Variants in TRIM45 observed in about 807,000 individuals in gnomAD.
The protein encoded by TRIM45 is tripartite motif containing 45.
In TRIM45, 45 loss-of-function variants were observed where a neutral mutation model predicts 46.7. The ratio of observed to expected loss-of-function variants is 0.96; its 90% confidence interval spans 0.76 to 1.24. The LOEUF is 1.24. Ranked by LOEUF, TRIM45 falls within the 50% of genes most tolerant of loss-of-function variation. The pLI is 0.00. For missense variants in TRIM45, 680 were observed against 728.4 expected (o/e 0.93, Z 0.77); for synonymous variants, 259 against 285.8 (o/e 0.91, Z 0.94).
intron 1 of TRIM45, 137 bp downstream of exon 1, chr1:117,120,577 T>C: frequency 8.0e-7 from 1 of 1,249,846 alleles, no homozygotes. Flanking sequence ...TATTTGCTAT[T>C]GCATTGTTAT....
chr1:117,119,903 CTT>C (rs1410138490), intron 1 of TRIM45, among the ~76,000 whole-genome samples: 2 of 152,222 alleles, frequency 1.3e-5, no homozygotes, highest in Admixed American at 1.3e-4. Flanking sequence ...AGTCTACAAA[CTT>C]GTTCTGTTAG....
chr1:117,119,856 G>A (rs1018020365), intron 1 of TRIM45, among the ~76,000 whole-genome samples: 2 of 152,176 alleles, frequency 1.3e-5, no homozygotes, highest in African/African-American at 4.8e-5. Flanking sequence ...GACAGTCGCA[G>A]GGACTATCAC....
Position 117,113,416 on chromosome 1 carries a change from A to C in TRIM45, c.1537T>G (p.Phe513Val). 6.2e-7 allele frequency: 1 copy of C among 1,612,510 alleles called. No homozygotes were observed. The highest frequency in any genetic ancestry group is 1.3e-5 in the African/African-American group (1 of 75,008). ...PHSGVFHCCT[F>V]CSSGGQKTAR... ...GTTTTCTGGCCCCCGCTGGAGCAGAAGGTGCAGCAGTGAAACACGCCTGAG... is the reference window on the plus strand; with the variant it reads ...GTTTTCTGGCCCCCGCTGGAGCAGACGGTGCAGCAGTGAAACACGCCTGAG... Residue 513 changes from phenylalanine to valine, a missense_variant, in exon 5 of 6, where the codon TTC (phenylalanine) becomes GTC (valine). This residue lies in a region of TRIM45 where 322 missense variants were observed against 359.3 expected (regional missense o/e 0.90). Coordinates refer to ENST00000256649, the MANE Select transcript of TRIM45 (RefSeq NM_025188.4). The surrounding 1 kb of genome is among the most constrained non-coding windows in gnomAD (Gnocchi z 4.0).
In TRIM45 at chr1:117,116,400, A is replaced by AT. The variant is rs961074241; in HGVS notation, c.1352+215dup. On this transcript the variant is annotated intron_variant, in intron 3 of 5. Coordinates refer to ENST00000256649, the MANE Select transcript of TRIM45 (RefSeq NM_025188.4). This position sits in a 1 kb window ranked among gnomAD's most constrained non-coding sequence, Gnocchi z 4.6. The stretch of plus-strand genomic sequence containing the variant: ...AGGCATATGCCTCCACTCCCGGCTA[A>AT]TTTTTTTTTTTTTAATTTTGTAGAG... 2.8e-4 allele frequency among the ~76,000 whole-genome samples: 41 copies of AT among 145,744 alleles called. No homozygotes were observed. The highest frequency in any genetic ancestry group is 4.4e-4 in the Non-Finnish European group (29 of 65,792).
At chr1:117,123,057 AC>A (rs567713773), upstream of TRIM45, among the ~76,000 whole-genome samples, 7 of 141,282 alleles carry the variant, frequency 5.0e-5, no homozygotes, top group South Asian at 2.3e-4. Flanking sequence ...AAAAAAAAAA[AC>A]CATTATAAAA....
rs1225920246 is a variant in TRIM45 at position 117,112,159 on chromosome 1, C to A, written c.*146G>T. 11 of 392,562 alleles carry A rather than the reference C, an allele frequency of 2.8e-5. No homozygotes were observed. The highest frequency in any genetic ancestry group is 4.3e-5 in the Non-Finnish European group (11 of 258,450). The allele number at this position is 392,562 out of a possible 1,614,324, so 24.3% of individuals were successfully genotyped here. A position where few individuals can be genotyped will look rare whatever the true frequency, so the allele number is the denominator to read the frequency against. ...ATCCACAAGTACAATCAGTGAATAA[C>A]TAACAAAAGAGCACTTGAACTCCAG... On this transcript the variant is annotated 3_prime_UTR_variant, in exon 6 of 6. Coordinates refer to ENST00000256649, the MANE Select transcript of TRIM45 (RefSeq NM_025188.4).
rs187735120 is a variant in TRIM45 at position 117,116,597 on chromosome 1, C to A, written c.1352+19G>T. ...TCTCACTGCCTGTTATCCATGACACCTAATTGTGTCATACAAACCTGTCTT... is the reference window on the plus strand; with the variant it reads ...TCTCACTGCCTGTTATCCATGACACATAATTGTGTCATACAAACCTGTCTT... On this transcript the variant is annotated intron_variant, in intron 3 of 5. Coordinates refer to ENST00000256649, the MANE Select transcript of TRIM45 (RefSeq NM_025188.4). The surrounding 1 kb of genome is among the most constrained non-coding windows in gnomAD (Gnocchi z 4.6). 6.2e-7 allele frequency: 1 copy of A among 1,612,328 alleles called. No individual in the cohort carries two copies.
chr1:117,116,497 C>G lies in TRIM45; in HGVS notation c.1352+119G>C. On this transcript the variant is annotated intron_variant, in intron 3 of 5. Coordinates refer to ENST00000256649, the MANE Select transcript of TRIM45 (RefSeq NM_025188.4). The surrounding 1 kb of genome is among the most constrained non-coding windows in gnomAD (Gnocchi z 4.6). ...TAAGCGATCCTCCTGCCTCCACTTC[C>G]CAAAGTGCTGGGATTACAGGCATGA... 7.1e-7 allele frequency: 1 copy of G among 1,400,824 alleles called. No individual in the cohort carries two copies. Among genetic ancestry groups the G allele is most frequent in the Non-Finnish European group, 9.7e-7 (1 of 1,033,438 alleles). The allele number at this position is 1,400,824 out of a possible 1,614,324, so 86.8% of individuals were successfully genotyped here.
Position 117,121,031 on chromosome 1 carries a change from C to A in TRIM45, c.171G>T (p.Glu57Asp), listed in dbSNP as rs1650602672. ...CTCGGATGTCCACTACTGAGAAGGG[C>A]TCCAGCTGCTCCAGACACGTGGTGC... ...TVCTTCLEQLEPFSVVDIRGG... is the reference protein window; with the variant it reads ...TVCTTCLEQLDPFSVVDIRGG... Residue 57 changes from glutamate (E) to aspartate (D), a missense_variant, in exon 1 of 6, where the codon GAG (glutamate) becomes GAT (aspartate). Coordinates refer to ENST00000256649, the MANE Select transcript of TRIM45 (RefSeq NM_025188.4). The surrounding 1 kb of genome is among the most constrained non-coding windows in gnomAD (Gnocchi z 4.2). 1.9e-6 allele frequency: 3 copies of A among 1,614,054 alleles called. No homozygotes were observed. Among genetic ancestry groups the A allele is most frequent in the Non-Finnish European group, 2.5e-6 (3 of 1,180,042 alleles).
Position 117,118,063 on chromosome 1 carries a change from T to C in TRIM45, c.1193A>G (p.Asp398Gly). ...IYGTINTKEV[D>G]PAKCVLQGED... ...TCCTTGTAGGACACATTTGGCTGGA[T>C]CAACCTCTTTGGTATTAATCGTACC... Residue 398 changes from aspartate (D) to glycine (G), a missense_variant, in exon 2 of 6, where the codon GAT (aspartate) becomes GGT (glycine). This residue lies in a region of TRIM45 where 322 missense variants were observed against 359.3 expected (regional missense o/e 0.90). Transcript: ENST00000256649. The surrounding 1 kb of genome is among the most constrained non-coding windows in gnomAD (Gnocchi z 5.7). The C allele has an allele frequency of 1.9e-6, 3 of 1,614,080 alleles. No individual in the cohort carries two copies. Among genetic ancestry groups the C allele is most frequent in the Non-Finnish European group, 2.5e-6 (3 of 1,179,980 alleles).
At chr1:117,119,226 A>AT (rs1166454504) in intron 1 of TRIM45, among the ~76,000 whole-genome samples, 1 of 152,238 alleles carries the variant, frequency 6.6e-6, no homozygotes, top group Non-Finnish European at 1.5e-5. Context: ...TGCATCTAAG[A>AT]TTTTGGTGAA....
Position 117,121,621 on chromosome 1 carries a change from T to G in TRIM45, c.-420A>C. The G allele has an allele frequency of 7.3e-6, 3 of 412,160 alleles. No individual in the cohort carries two copies. Among genetic ancestry groups the G allele is most frequent in the South Asian group, 2.4e-5 (1 of 41,220 alleles). The allele number at this position is 412,160 out of a possible 1,614,324, so 25.5% of individuals were successfully genotyped here. Reference sequence around the variant, plus strand: ...CCGACCCCACCCGCGCACGATGAGGTAGGGGCCCTCTTGCTCCTTCCCTCT... The same window carrying G: ...CCGACCCCACCCGCGCACGATGAGGGAGGGGCCCTCTTGCTCCTTCCCTCT... On this transcript the variant is annotated 5_prime_UTR_variant, in exon 1 of 6. Transcript: ENST00000256649. This position sits in a 1 kb window ranked among gnomAD's most constrained non-coding sequence, Gnocchi z 4.2.
In TRIM45 at chr1:117,113,800, A is replaced by G. The variant is rs1650306949; in HGVS notation, c.1468-315T>C. 6.6e-6 allele frequency among the ~76,000 whole-genome samples: 1 copy of G among 152,238 alleles called. No individual in the cohort carries two copies. Among genetic ancestry groups the G allele is most frequent in the Non-Finnish European group, 1.5e-5 (1 of 68,036 alleles). On this transcript the variant is annotated intron_variant, in intron 4 of 5. Coordinates refer to ENST00000256649, the MANE Select transcript of TRIM45 (RefSeq NM_025188.4). The surrounding 1 kb of genome is among the most constrained non-coding windows in gnomAD (Gnocchi z 4.0). ...GGACACTGAAAGGAGTCACACAGTC[A>G]GCTCCATTTTCAGTGACATCTGTAT... is the stretch of plus-strand genomic sequence containing the variant.
Position 117,121,571 on chromosome 1 carries a change from C to T in TRIM45, c.-370G>A. On this transcript the variant is annotated 5_prime_UTR_variant, in exon 1 of 6. Transcript: ENST00000256649. The surrounding 1 kb of genome is among the most constrained non-coding windows in gnomAD (Gnocchi z 4.2). ...GCCACCCCCCTCCCGCCGCCCGCCC[C>T]ACTGCGCGCCACACGCGACAAGCGC... 2.0e-6 allele frequency: 1 copy of T among 501,920 alleles called. No individual in the cohort carries two copies. Among genetic ancestry groups the T allele is most frequent in the Non-Finnish European group, 3.5e-6 (1 of 285,380 alleles). 31.1% of individuals were successfully genotyped at this position (501,920 alleles called of 1,614,324 possible).
upstream of TRIM45, chr1:117,122,725 A>G (rs1287611063): frequency 6.6e-6 from 1 of 152,222 alleles, no homozygotes; most frequent in Non-Finnish European, 1.5e-5. Context: ...GGGAAGATGA[A>G]CACGTCCGAC....
In TRIM45 at chr1:117,118,910, C is replaced by A; in HGVS notation, c.489-143G>T. 6.4e-6 allele frequency: 7 copies of A among 1,093,024 alleles called. No individual in the cohort carries two copies. Among genetic ancestry groups the A allele is most frequent in the Non-Finnish European group, 9.0e-6 (7 of 775,384 alleles). The allele number at this position is 1,093,024 out of a possible 1,614,324, so 67.7% of individuals were successfully genotyped here. On this transcript the variant is annotated intron_variant, in intron 1 of 5. Coordinates refer to ENST00000256649, the MANE Select transcript of TRIM45 (RefSeq NM_025188.4). The surrounding 1 kb of genome is among the most constrained non-coding windows in gnomAD (Gnocchi z 5.7). ...TGCTCTAATCTCTAATTGCATGAAC[C>A]TCTCTGATTCCAGTTTCTCATCTGT...
chr1:117,111,363 T>C lies in TRIM45; in HGVS notation c.*942A>G, dbSNP rs563420011. On this transcript the variant is annotated 3_prime_UTR_variant, in exon 6 of 6. Coordinates refer to ENST00000256649, the MANE Select transcript of TRIM45 (RefSeq NM_025188.4). Reference sequence around the variant, plus strand: ...TAGATTTTCTGTATAAGTAGAACTGTAATAAATGTATGAGGTTCTATTTCA... The same window carrying C: ...TAGATTTTCTGTATAAGTAGAACTGCAATAAATGTATGAGGTTCTATTTCA... 6.6e-6 allele frequency: 1 copy of C among 152,324 alleles called. No homozygotes were observed. The highest frequency in any genetic ancestry group is 1.9e-4 in the East Asian group (1 of 5,182). The allele number at this position is 152,324 out of a possible 1,614,324, so 9.4% of individuals were successfully genotyped here.
At chr1:117,121,835 G>A (rs778195116), upstream of TRIM45, 5 of 714,050 alleles carry the variant, frequency 7.0e-6, no homozygotes, top group African/African-American at 3.5e-5. The surrounding 1 kb of genome is among the most constrained non-coding windows in gnomAD (Gnocchi z 4.2). Context: ...TCCGGGCCCC[G>A]CCGCCCTCCA....
Position 117,113,384 on chromosome 1 carries a change from G to A in TRIM45, c.1569C>T (p.Arg523=), listed in dbSNP as rs774602363. Reference sequence around the variant, plus strand: ...CTGGCATGGTGCCTCCACAGGCGCAGCGAGCGGTTTTCTGGCCCCCGCTGG... The same window carrying A: ...CTGGCATGGTGCCTCCACAGGCGCAACGAGCGGTTTTCTGGCCCCCGCTGG... ...FCSSGGQKTA[R]CACGGTMPGG... Residue 523 remains arginine (R), a synonymous_variant, in exon 5 of 6, where the codon CGC becomes CGT. Transcript: ENST00000256649. This position sits in a 1 kb window ranked among gnomAD's most constrained non-coding sequence, Gnocchi z 4.0. 7.5e-5 allele frequency: 121 copies of A among 1,612,092 alleles called. No homozygotes were observed. The highest frequency in any genetic ancestry group is 1.0e-4 in the Non-Finnish European group (120 of 1,179,914).
Sources: allele counts gnomAD v4.1 joint callset (sites outside exome capture counted in the v4.1 genomes callset), GRCh38; gene constraint gnomAD v4.1.1; regional missense constraint gnomAD v4.1.1; non-coding constraint Gnocchi (gnomAD v3.1); transcripts MANE v1.5; gene names NCBI Gene and HGNC (gene_info 2026-07-23, HGNC 2026-07-21).